The following ATP8A2 variants were observed in gnomAD, a reference collection of about 807,000 sequenced individuals.
ATP8A2 encodes phospholipid-transporting ATPase IB.
ATP8A2 carries 100 observed loss-of-function variants against 165.6 expected under a neutral mutation model. The ratio of observed to expected loss-of-function variants is 0.60; its 90% CI spans 0.51 to 0.71. The LOEUF is 0.71. Among genes scored for constraint, ATP8A2 ranks in the 30% least tolerant of loss-of-function variants. ATP8A2 has a pLI of 0.00. For synonymous variants in ATP8A2, 543 were observed against 548.8 expected (o/e 0.99, Z 0.15); for missense variants, 1,227 against 1,479.5 (o/e 0.83, Z 2.80).
chr13:25,414,148 A>G (rs1325549422), intron 1 of ATP8A2, among the ~76,000 whole-genome samples: 2 of 149,282 alleles, frequency 1.3e-5, no homozygotes, highest in African/African-American at 5.0e-5. Context: ...ACAACCTGGC[A>G]CTTGACTCCG....
intron 33 of ATP8A2, among the ~76,000 whole-genome samples, chr13:25,893,783 G>C (rs1415159788): frequency 1.3e-5 from 2 of 152,098 alleles, no homozygotes; most frequent in Admixed American, 6.5e-5. Context: ...GTTTTGATTT[G>C]CATTTCTCTG....
intron 1 of ATP8A2, among the ~76,000 whole-genome samples, chr13:25,432,327 T>C (rs113114044): frequency 6.6e-6 from 1 of 152,192 alleles, no homozygotes; most frequent in Non-Finnish European, 1.5e-5. Context: ...TGGGTGCTCA[T>C]GGCCAGAAAA....
At chr13:25,959,047 G>A (rs1353686965) in intron 33 of ATP8A2, among the ~76,000 whole-genome samples, 2 of 152,178 alleles carry the variant, frequency 1.3e-5, no homozygotes, top group African/African-American at 4.8e-5. Context: ...CACAAGTACA[G>A]CTTGAACAAG....
intron 30 of ATP8A2, among the ~76,000 whole-genome samples, chr13:25,858,157 G>A (rs1952226597): frequency 6.6e-6 from 1 of 152,210 alleles, no homozygotes; most frequent in Admixed American, 6.5e-5. Flanking sequence ...GCATTTAAAA[G>A]TGTTGCACCT....
intron 25 of ATP8A2, among the ~76,000 whole-genome samples, chr13:25,715,505 C>T (rs1404400583): frequency 6.6e-6 from 1 of 152,188 alleles, no homozygotes; most frequent in African/African-American, 2.4e-5. Flanking sequence ...AATGTCTCTC[C>T]AGTTCCCCAG....
At chr13:25,655,295 G>A (rs1384602347) in intron 24 of ATP8A2, among the ~76,000 whole-genome samples, 1 of 152,158 alleles carries the variant, frequency 6.6e-6, no homozygotes, top group African/African-American at 2.4e-5. Context: ...AAGTAGCTGG[G>A]ATTACAGGCA....
intron 24 of ATP8A2, among the ~76,000 whole-genome samples, chr13:25,669,079 G>A (rs2042212759): frequency 6.6e-6 from 1 of 151,898 alleles, no homozygotes; most frequent in South Asian, 2.1e-4. Flanking sequence ...CCTATGAATG[G>A]GACATACTTT....
At chr13:25,496,267 A>G (rs764984521) in intron 2 of ATP8A2, among the ~76,000 whole-genome samples, 1 of 152,134 alleles carries the variant, frequency 6.6e-6, no homozygotes, top group Non-Finnish European at 1.5e-5. Flanking sequence ...ATCTTGGCAC[A>G]TGGAAGCAGC....
chr13:25,718,376 G>A (rs745563126), intron 25 of ATP8A2, among the ~76,000 whole-genome samples: 4 of 146,338 alleles, frequency 2.7e-5, no homozygotes, highest in Non-Finnish European at 5.9e-5. Flanking sequence ...AGAGTTTTTC[G>A]TTTGCTATTC....
At chr13:25,980,520 A>G in intron 35 of ATP8A2, among the ~76,000 whole-genome samples, 1 of 152,044 alleles carries the variant, frequency 6.6e-6, no homozygotes, top group Non-Finnish European at 1.5e-5. Flanking sequence ...CATCTAAGAG[A>G]TCTAAGAGGC....
chr13:25,805,525 A>AT (rs1225813143), intron 27 of ATP8A2, among the ~76,000 whole-genome samples: 1 of 152,178 alleles, frequency 6.6e-6, no homozygotes, highest in Non-Finnish European at 1.5e-5. Flanking sequence ...TCAAAAAAAA[A>AT]GAAAAAGAGT....
At chr13:25,446,377 A>G (rs1388321286) in intron 1 of ATP8A2, among the ~76,000 whole-genome samples, 1 of 152,190 alleles carries the variant, frequency 6.6e-6, no homozygotes, top group Non-Finnish European at 1.5e-5. Flanking sequence ...CTCTTCATGT[A>G]TCTGCTCTTC....
chr13:25,706,887 C>G (rs1313619550), intron 25 of ATP8A2, among the ~76,000 whole-genome samples: 1 of 152,046 alleles, frequency 6.6e-6, no homozygotes, highest in Non-Finnish European at 1.5e-5. Context: ...TTAAATTTAA[C>G]TCTAACATGA....
chr13:25,979,640 T>C (rs998467513), intron 35 of ATP8A2, among the ~76,000 whole-genome samples: 1 of 152,208 alleles, frequency 6.6e-6, no homozygotes, highest in African/African-American at 2.4e-5. Context: ...GGGCGAGTCA[T>C]TTATGTATCC....
intron 24 of ATP8A2, among the ~76,000 whole-genome samples, chr13:25,627,794 G>T (rs957280696): frequency 1.3e-5 from 2 of 152,172 alleles, no homozygotes; most frequent in Non-Finnish European, 2.9e-5. Flanking sequence ...GCATCATTTG[G>T]TGAGGCCACT....
At chr13:25,678,430 G>A (rs968394541) in intron 24 of ATP8A2, among the ~76,000 whole-genome samples, 4 of 152,172 alleles carry the variant, frequency 2.6e-5, no homozygotes, top group African/African-American at 7.2e-5. Context: ...GAGCTGCTGA[G>A]TTGATTGAAT....
intron 33 of ATP8A2, among the ~76,000 whole-genome samples, chr13:25,867,678 G>A (rs1158081807): frequency 1.3e-5 from 2 of 152,134 alleles, no homozygotes; most frequent in African/African-American, 4.8e-5. Context: ...GCCACAGTGA[G>A]CGGGTCAGGA....
chr13:25,475,967 T>C lies in ATP8A2; in HGVS notation c.221+6846T>C, dbSNP rs137856035. The stretch of plus-strand genomic sequence containing the variant: ...CATATATTTTCTCCCATTCTGCAGG[T>C]TGTCTGTTCACTCTGTTTGATGGTT... On this transcript the variant is annotated intron_variant, in intron 2 of 36. Transcript: ENST00000381655. 1.9e-3 allele frequency among the ~76,000 whole-genome samples: 283 copies of C among 152,346 alleles called. 2 individuals carry two copies. The highest frequency in any genetic ancestry group is 6.4e-3 in the African/African-American group (265 of 41,578).
intron 33 of ATP8A2, among the ~76,000 whole-genome samples, chr13:25,914,219 C>T (rs1393922012): frequency 3.9e-5 from 6 of 152,186 alleles, no homozygotes; most frequent in African/African-American, 1.4e-4. Context: ...TTCAGCCCTT[C>T]CTGGATTTCC....
Sources: allele counts gnomAD v4.1 joint callset (sites outside exome capture counted in the v4.1 genomes callset), GRCh38; gene constraint gnomAD v4.1.1; transcripts MANE v1.5; gene names NCBI Gene and HGNC (gene_info 2026-07-23, HGNC 2026-07-21).